Variants in STARD9 observed in about 807,000 individuals in gnomAD.
The protein encoded by STARD9 is StAR related lipid transfer domain containing 9.
A neutral mutation model predicts 399.8 loss-of-function variants in STARD9; 346 were observed. That is an observed-to-expected ratio of 0.87 (90% CI 0.79 to 0.95). The LOEUF is 0.95. STARD9 is among the 40% of genes least tolerant of loss of function. The pLI is 0.00. For missense variants in STARD9, 5,832 were observed against 5,667.5 expected (o/e 1.03, Z -0.93); for synonymous variants, 2,203 against 2,143.5 (o/e 1.03, Z -0.77).
intron 16 of STARD9, chr15:42,670,513 G>A (rs993975830): frequency 4.6e-5 from 7 of 152,216 alleles, no homozygotes; most frequent in South Asian, 2.1e-4. Context: ...ACAGCAGAAC[G>A]TACTTCCCAT....
At chr15:42,673,915 C>T (rs928601930) in intron 16 of STARD9, 11 of 456,326 alleles carry the variant, frequency 2.4e-5, no homozygotes, top group Non-Finnish European at 4.8e-5. Flanking sequence ...TGTGCTTTTA[C>T]CCTTCTTAGA....
In STARD9 at chr15:42,689,399, C is replaced by G. The variant is rs2060637368; in HGVS notation, c.7821C>G (p.Thr2607=). 6.5e-7 allele frequency: 1 copy of G among 1,537,358 alleles called. No homozygotes were observed. Residue 2607 remains threonine (T), a synonymous_variant, in exon 23 of 33, where the codon ACC becomes ACG. Coordinates refer to ENST00000290607, the MANE Select transcript of STARD9 (RefSeq NM_020759.3). ...TAGACCAGTCATCATCAGACCAGAC[C>G]AGGAATGAGGGTGAAGCACCGGGAT... ...KQIDQSSSDQ[T]RNEGEAPGFH...
chr15:42,588,044 G>A (rs752584481), intron 3 of STARD9, among the ~76,000 whole-genome samples: 1 of 152,188 alleles, frequency 6.6e-6, no homozygotes, highest in Non-Finnish European at 1.5e-5. Flanking sequence ...AGAAGACAGT[G>A]GCCTTTCTGT....
intron 12 of STARD9, 49 bp from the exon 13 acceptor site, chr15:42,663,771 C>T: frequency 7.5e-7 from 1 of 1,340,770 alleles, no homozygotes; most frequent in Non-Finnish European, 1.0e-6. Flanking sequence ...TGATTAAGAG[C>T]TGGGATGGAT....
At chr15:42,589,732 G>C (rs150311080) in intron 3 of STARD9, among the ~76,000 whole-genome samples, 11 of 151,866 alleles carry the variant, frequency 7.2e-5, no homozygotes, top group African/African-American at 2.7e-4. Flanking sequence ...TCAGCCTCCT[G>C]AGTAGCTGGG....
chr15:42,716,612 A>C (rs1022367218), intron 26 of STARD9, 65 bp from the exon 27 acceptor site: 3 of 1,029,266 alleles, frequency 2.9e-6, no homozygotes, highest in Non-Finnish European at 2.9e-6. Flanking sequence ...GATGCAGTTC[A>C]GAGGCAGAGG....
intron 7 of STARD9, 41 bp from the exon 8 acceptor site, chr15:42,650,975 A>C (rs1001401716): frequency 1.5e-6 from 2 of 1,356,594 alleles, no homozygotes. Flanking sequence ...TTTACCAAAA[A>C]TCTCATTTAA....
At chr15:42,627,998 A>G (rs551964359) in intron 3 of STARD9, among the ~76,000 whole-genome samples, 1 of 152,132 alleles carries the variant, frequency 6.6e-6, no homozygotes, top group Admixed American at 6.5e-5. Context: ...TTTTTTTCTG[A>G]GGAACCTCCA....
intron 7 of STARD9, among the ~76,000 whole-genome samples, chr15:42,644,993 T>C (rs1022322981): frequency 6.6e-6 from 1 of 152,194 alleles, no homozygotes; most frequent in African/African-American, 2.4e-5. Flanking sequence ...CAGTCACATC[T>C]TCAGGCTCCA....
chr15:42,585,421 A>C (rs868675135), intron 2 of STARD9, 100 bp from the exon 3 acceptor site: 6 of 656,078 alleles, frequency 9.1e-6, no homozygotes, highest in Admixed American at 2.7e-5. Flanking sequence ...TCTCATGACC[A>C]GTCCAAGTCT....
intron 16 of STARD9, chr15:42,673,899 C>G: frequency 2.2e-6 from 1 of 456,350 alleles, no homozygotes; most frequent in Non-Finnish European, 4.4e-6. Flanking sequence ...GTGCTTTTCT[C>G]CTATTTGTGC....
chr15:42,675,991 T>G lies in STARD9; in HGVS notation c.1874+16T>G. ...GGAAGGAAAGGTAAGAAATAGCTGC[T>G]TATACTGATGTGGAACCTACTGGGT... On this transcript the variant is annotated intron_variant, in intron 20 of 32. Coordinates refer to ENST00000290607, the MANE Select transcript of STARD9 (RefSeq NM_020759.3). The G allele has an allele frequency of 2.0e-6, 3 of 1,529,408 alleles. No individual in the cohort carries two copies. Among genetic ancestry groups the G allele is most frequent in the Non-Finnish European group, 2.6e-6 (3 of 1,140,676 alleles). The allele number at this position is 1,529,408 out of a possible 1,614,324, so 94.7% of individuals were successfully genotyped here.
Position 42,693,966 on chromosome 15 carries a change from C to CA in STARD9, c.12389dup (p.His4130GlnfsTer11). On this transcript the variant is annotated frameshift_variant, in exon 23 of 33. Coordinates refer to ENST00000290607, the MANE Select transcript of STARD9 (RefSeq NM_020759.3). LOFTEE classifies it high-confidence loss of function. ...GATGTGCATGGCCCCTGAGCACCAG[C>CA]ACCACAGTCTGAGGGACCTCCCGGT... 5 of 1,505,718 alleles carry CA rather than the reference C, an allele frequency of 3.3e-6. No homozygotes were observed. The highest frequency in any genetic ancestry group is 4.4e-6 in the Non-Finnish European group (5 of 1,129,102). 93.3% of individuals were successfully genotyped at this position (1,505,718 alleles called of 1,614,324 possible).
chr15:42,657,575 T>C (rs2059902001), intron 9 of STARD9, among the ~76,000 whole-genome samples: 2 of 152,192 alleles, frequency 1.3e-5, no homozygotes, highest in Non-Finnish European at 2.9e-5. Flanking sequence ...TTTCCAGTAG[T>C]AGGTAGATAA....
rs2140442117 is a variant in STARD9 at position 42,720,868 on chromosome 15, G to A, written c.*1294G>A. 1 of 152,032 alleles carries A rather than the reference G, an allele frequency of 6.6e-6. No individual in the cohort carries two copies. Among genetic ancestry groups the A allele is most frequent in the African/African-American group, 2.4e-5 (1 of 41,462 alleles). The allele number at this position is 152,032 out of a possible 1,614,324, so 9.4% of individuals were successfully genotyped here. A position where few individuals can be genotyped will look rare whatever the true frequency, so the allele number is the denominator to read the frequency against. ...TTGCTTTTAAACTTCTATTTCTCGG[G>A]TAAATTTTTTGGTGACATGATATAT... On this transcript the variant is annotated 3_prime_UTR_variant, in exon 33 of 33. Coordinates refer to ENST00000290607, the MANE Select transcript of STARD9 (RefSeq NM_020759.3).
chr15:42,694,619 C>G lies in STARD9; in HGVS notation c.12856C>G (p.Leu4286Val). ...GCGAAGCCTTAGCCCTCAGAAACAA[C>G]TGAGCCTCCTGCCCAACAAAGATCT... ...RTRSLSPQKQ[L>V]SLLPNKDLFI... Residue 4286 changes from leucine (L) to valine (V), a missense_variant, in exon 24 of 33, where the codon CTG becomes GTG. Leu to Val is a conservative substitution (Grantham distance 32). Around this residue, in one of 2 missense-constraint regions of STARD9, gnomAD observed 5,828 missense variants for 5,651.1 expected, o/e 1.03. Transcript: ENST00000290607. 6.5e-7 allele frequency: 1 copy of G among 1,537,210 alleles called. No homozygotes were observed. Among genetic ancestry groups the G allele is most frequent in the Non-Finnish European group, 8.7e-7 (1 of 1,146,904 alleles).
At chr15:42,608,326 A>G (rs1250034022) in intron 3 of STARD9, among the ~76,000 whole-genome samples, 1 of 152,110 alleles carries the variant, frequency 6.6e-6, no homozygotes, top group Non-Finnish European at 1.5e-5. Context: ...CGTGAGGTGG[A>G]TGCTGTTCAG....
chr15:42,584,677 G>T (rs1027032712), intron 2 of STARD9, among the ~76,000 whole-genome samples: 1 of 152,124 alleles, frequency 6.6e-6, no homozygotes, highest in Non-Finnish European at 1.5e-5. Context: ...CCAAGCTCTG[G>T]TTCTACTCTC....
intron 1 of STARD9, chr15:42,581,547 C>T: frequency 1.7e-6 from 2 of 1,150,580 alleles, no homozygotes; most frequent in South Asian, 2.7e-5. Context: ...CCGGGCCGGT[C>T]TGCTCCAGCT....
Sources: allele counts gnomAD v4.1 joint callset (sites outside exome capture counted in the v4.1 genomes callset), GRCh38; gene constraint gnomAD v4.1.1; regional missense constraint gnomAD v4.1.1; transcripts MANE v1.5; gene names NCBI Gene and HGNC (gene_info 2026-07-23, HGNC 2026-07-21).